Variants in CDKAL1 observed in about 807,000 individuals in gnomAD.
The protein encoded by CDKAL1 is CDKAL1 threonylcarbamoyladenosine tRNA methylthiotransferase.
Under a neutral mutation model 68.2 loss-of-function variants are expected in CDKAL1, and 32 were observed. The ratio of observed to expected loss-of-function variants is 0.47; its 90% CI spans 0.35 to 0.63. The LOEUF is 0.63. CDKAL1 is among the 30% of genes least tolerant of loss of function. The probability of loss-of-function intolerance (pLI) is 0.00; values close to 1 mark genes in which losing one functional copy is unlikely to be tolerated. For missense variants in CDKAL1, 606 were observed against 696.7 expected, an observed-to-expected ratio of 0.87 and a Z score of 1.47; for synonymous variants, 234 against 244.3, an observed-to-expected ratio of 0.96 and a Z score of 0.39.
chr6:20,895,246 C>T (rs1761619900), intron 9 of CDKAL1, among the ~76,000 whole-genome samples: 1 of 152,204 alleles, frequency 6.6e-6, no homozygotes, highest in South Asian at 2.1e-4. Flanking sequence ...TGTGAATTTA[C>T]AACTTACTCA....
intron 11 of CDKAL1, among the ~76,000 whole-genome samples, chr6:21,001,299 G>A (rs886752722): frequency 6.6e-6 from 1 of 152,044 alleles, no homozygotes; most frequent in Non-Finnish European, 1.5e-5. Context: ...GCATGGATAC[G>A]ATTGCTTTAT....
intron 5 of CDKAL1, among the ~76,000 whole-genome samples, chr6:20,653,008 T>C (rs1441671814): frequency 6.6e-6 from 1 of 152,258 alleles, no homozygotes; most frequent in Non-Finnish European, 1.5e-5. Flanking sequence ...GAACTTATAC[T>C]GTTTGTGTTC....
chr6:20,957,091 C>T (rs916852852), intron 10 of CDKAL1, among the ~76,000 whole-genome samples: 3 of 150,370 alleles, frequency 2.0e-5, no homozygotes, highest in Non-Finnish European at 2.9e-5. Context: ...AGGCATACAT[C>T]GTGAAGACCA....
chr6:21,225,772 A>G (rs1779716362), intron 15 of CDKAL1, among the ~76,000 whole-genome samples: 1 of 152,224 alleles, frequency 6.6e-6, no homozygotes, highest in East Asian at 1.9e-4. Flanking sequence ...GAACAAAAAT[A>G]GCACGGGTCA....
chr6:20,889,263 G>A (rs1342137860), intron 9 of CDKAL1, among the ~76,000 whole-genome samples: 2 of 151,852 alleles, frequency 1.3e-5, no homozygotes, highest in East Asian at 3.9e-4. Flanking sequence ...TGTAGATTCT[G>A]GATATTAGCC....
chr6:21,017,156 T>C (rs1442954192), intron 11 of CDKAL1, among the ~76,000 whole-genome samples: 1 of 152,226 alleles, frequency 6.6e-6, no homozygotes, highest in Non-Finnish European at 1.5e-5. Context: ...CATTGCTCTA[T>C]TTGATTGCAT....
chr6:20,934,590 A>G (rs1763613947), intron 9 of CDKAL1, among the ~76,000 whole-genome samples: 1 of 152,106 alleles, frequency 6.6e-6, no homozygotes, highest in Non-Finnish European at 1.5e-5. Context: ...CATGCCTATA[A>G]TCCCAGCACT....
intron 4 of CDKAL1, among the ~76,000 whole-genome samples, chr6:20,603,798 A>G (rs1362961054): frequency 2.2e-5 from 1 of 45,786 alleles, no homozygotes; most frequent in African/African-American, 9.5e-5. Context: ...TTTTTTTGAG[A>G]CGGAGTCTAG....
At chr6:21,192,306 C>T (rs371502961) in intron 13 of CDKAL1, among the ~76,000 whole-genome samples, 1 of 151,892 alleles carries the variant, frequency 6.6e-6, no homozygotes, top group East Asian at 1.9e-4. Flanking sequence ...CAGGCGTGAG[C>T]CACCGCGCCC....
Position 20,838,524 on chromosome 6 carries a change from C to T in CDKAL1, c.639-7551C>T, listed in dbSNP as rs373177716. Among the ~76,000 whole-genome samples, 111 of 152,222 alleles carry T rather than the reference C, an allele frequency of 7.3e-4. No individual in the cohort carries two copies. In the East Asian group the frequency reaches 0.017, roughly 23 times the overall value. On this transcript the variant is annotated intron_variant, in intron 8 of 15. Transcript: ENST00000274695. ...CGAAGGTGGAACAAAAGAAAATTTT[C>T]GGAAAAGTATGTACTTTATGGTTGA...
intron 6 of CDKAL1, among the ~76,000 whole-genome samples, chr6:20,752,660 C>T (rs1773977058): frequency 1.3e-5 from 2 of 152,082 alleles, no homozygotes; most frequent in Non-Finnish European, 2.9e-5. Flanking sequence ...CACATTTTCC[C>T]CCTGATCCCG....
At chr6:20,931,642 T>C (rs1442035993) in intron 9 of CDKAL1, among the ~76,000 whole-genome samples, 1 of 152,146 alleles carries the variant, frequency 6.6e-6, no homozygotes, top group African/African-American at 2.4e-5. Flanking sequence ...GGAAAAAAAA[T>C]TTGGAAAACA....
chr6:21,191,992 CT>C (rs145894251), intron 13 of CDKAL1, among the ~76,000 whole-genome samples: 133 of 34,474 alleles, frequency 3.9e-3, no homozygotes, highest in Non-Finnish European at 5.4e-3. Flanking sequence ...ATTCATTTTT[CT>C]TTTTTTTTTT....
At chr6:20,544,433 T>A (rs1381443162) in intron 2 of CDKAL1, among the ~76,000 whole-genome samples, 1 of 151,338 alleles carries the variant, frequency 6.6e-6, no homozygotes, top group Non-Finnish European at 1.5e-5. Context: ...CCGTCTCTAC[T>A]AAAAATACAA....
intron 10 of CDKAL1, among the ~76,000 whole-genome samples, chr6:20,977,145 C>G (rs970634210): frequency 1.3e-5 from 2 of 152,010 alleles, no homozygotes; most frequent in Non-Finnish European, 2.9e-5. Context: ...AAGAAATGAC[C>G]TAGTGTAATT....
chr6:20,604,427 A>AG (rs759782303), intron 4 of CDKAL1, among the ~76,000 whole-genome samples: 59 of 152,150 alleles, frequency 3.9e-4, no homozygotes, highest in Non-Finnish European at 2.5e-4. Context: ...TCCATCATGG[A>AG]GGGGGCAAAG....
intron 6 of CDKAL1, among the ~76,000 whole-genome samples, chr6:20,748,115 C>T (rs116482498): frequency 0.022 from 3,349 of 152,220 alleles, 57 homozygotes; most frequent in Non-Finnish European, 0.034. Context: ...TTGTGTGAAA[C>T]CACAGGAGAC....
intron 10 of CDKAL1, 24 bp downstream of exon 10, chr6:20,955,609 A>T: frequency 1.2e-6 from 2 of 1,610,062 alleles, no homozygotes; most frequent in Non-Finnish European, 8.5e-7. Context: ...CCCTATTTGC[A>T]TGCTAACATA....
chr6:20,611,388 C>T (rs1766610949), intron 4 of CDKAL1, among the ~76,000 whole-genome samples: 1 of 152,140 alleles, frequency 6.6e-6, no homozygotes. Flanking sequence ...GCCTCAGCCT[C>T]ACAAAGTGCT....
Sources: allele counts gnomAD v4.1 joint callset (sites outside exome capture counted in the v4.1 genomes callset), GRCh38; gene constraint gnomAD v4.1.1; transcripts MANE v1.5; gene names NCBI Gene and HGNC (gene_info 2026-07-23, HGNC 2026-07-21).